The following NPR2 variants were observed in gnomAD, a reference collection of about 807,000 sequenced individuals.
NPR2 encodes the protein atrial natriuretic peptide receptor 2.
In NPR2, 49 loss-of-function variants were observed where a neutral mutation model predicts 120.7. The ratio of observed to expected loss-of-function variants is 0.41; its 90% CI spans 0.32 to 0.52. NPR2 has a LOEUF of 0.52. Among genes scored for constraint, NPR2 ranks in the 20% least tolerant of loss-of-function variants. NPR2 has a pLI of 0.36. For missense variants in NPR2, 931 were observed against 1,362.9 expected (o/e 0.68, Z 4.99); for synonymous variants, 484 against 519.8 (o/e 0.93, Z 0.94).
chr9:35,800,639 A>C lies in NPR2; in HGVS notation c.1219-70A>C, dbSNP rs184410474. On this transcript the variant is annotated intron_variant, in intron 5 of 21. Transcript: ENST00000342694. This position sits in a 1 kb window ranked among gnomAD's most constrained non-coding sequence, Gnocchi z 4.7. Reference sequence around the variant, plus strand: ...TGGTAGGCTGGGGAGAAAAGCAGCGAAACAGCTGGGGTCTGGGGAGGAGGC... The same window carrying C: ...TGGTAGGCTGGGGAGAAAAGCAGCGCAACAGCTGGGGTCTGGGGAGGAGGC... 2.5e-6 allele frequency: 4 copies of C among 1,612,852 alleles called. No homozygotes were observed. In the East Asian group the frequency reaches 8.9e-5, roughly 36 times the overall value.
chr9:35,794,442 GAGGCATCGTTCTGGTAC>G (rs1230845075), intron 2 of NPR2, among the ~76,000 whole-genome samples: 14 of 152,332 alleles, frequency 9.2e-5, no homozygotes. Flanking sequence ...ATGGAGAGGT[GAGGCATCGTTCTGGTAC>G]AGTCAGACAA....
rs1828098696 is a variant in NPR2 at position 35,800,229 on chromosome 9, G to A, written c.1123+72G>A. 2.0e-6 allele frequency: 3 copies of A among 1,492,214 alleles called. No homozygotes were observed. The highest frequency in any genetic ancestry group is 3.3e-5 in the Admixed American group (2 of 59,886). 92.4% of individuals were successfully genotyped at this position (1,492,214 alleles called of 1,614,324 possible). A position where few individuals can be genotyped will look rare whatever the true frequency, so the allele number is the denominator to read the frequency against. On this transcript the variant is annotated intron_variant, in intron 4 of 21. Coordinates refer to ENST00000342694, the MANE Select transcript of NPR2 (RefSeq NM_003995.4). The surrounding 1 kb of genome is among the most constrained non-coding windows in gnomAD (Gnocchi z 4.7). ...AGAGTGGGCTGAAGAAGAAACAGAT[G>A]TCAGGATCACCACAGCTTTAGTGGG... is the stretch of plus-strand genomic sequence containing the variant.
chr9:35,796,521 C>A (rs904352172), intron 2 of NPR2, among the ~76,000 whole-genome samples: 1 of 152,208 alleles, frequency 6.6e-6, no homozygotes, highest in Non-Finnish European at 1.5e-5. Context: ...GCCTCACTTT[C>A]TTCTGTGAGC....
At position 35,799,609 on chromosome 9, in the gene NPR2, C is replaced by G. The variant is rs1028609015; in HGVS notation, c.874-9C>G. On this transcript the variant is annotated splice_polypyrimidine_tract_variant and intron_variant, in intron 2 of 21. Coordinates refer to ENST00000342694, the MANE Select transcript of NPR2 (RefSeq NM_003995.4). ...CCTGTTCACTCTTCCCCATATGCTG[C>G]TGGTACAGACTGTATTGGTGATCAC... 4.4e-6 allele frequency: 7 copies of G among 1,587,892 alleles called. No homozygotes were observed. Among genetic ancestry groups the G allele is most frequent in the Non-Finnish European group, 5.2e-6 (6 of 1,156,234 alleles).
In NPR2 at chr9:35,809,607, CCCTGTACATATA is replaced by C; in HGVS notation, c.*168_*179del. 8.1e-7 allele frequency: 1 copy of C among 1,228,406 alleles called. No individual in the cohort carries two copies. Among genetic ancestry groups the C allele is most frequent in the Non-Finnish European group, 1.2e-6 (1 of 835,348 alleles). The allele number at this position is 1,228,406 out of a possible 1,614,324, so 76.1% of individuals were successfully genotyped here. ...GAAGTTGTAGCCCTCTGCAGCTCAG[CCCTGTACATATA>C]CCTGTCCCTCTCTGGCTTGGTCCCC... On this transcript the variant is annotated 3_prime_UTR_variant, in exon 22 of 22. Coordinates refer to ENST00000342694, the MANE Select transcript of NPR2 (RefSeq NM_003995.4). This position sits in a 1 kb window ranked among gnomAD's most constrained non-coding sequence, Gnocchi z 4.1.
rs2132067161 is a variant in NPR2 at position 35,793,023 on chromosome 9, A to G, written c.615A>G (p.Arg205=). Reference sequence around the variant, plus strand: ...GTGTGCAGCACCAGGTGTATGCCCGAGAGCCAGGGGGCCCCGAGCAGGCCA... The same window carrying G: ...GTGTGCAGCACCAGGTGTATGCCCGGGAGCCAGGGGGCCCCGAGCAGGCCA... ...NLSVQHQVYA[R]EPGGPEQATH... is the part of the protein sequence containing the mutation. Residue 205 remains arginine (R), a synonymous_variant, in exon 1 of 22, where the codon CGA becomes CGG. Coordinates refer to ENST00000342694, the MANE Select transcript of NPR2 (RefSeq NM_003995.4). The G allele has an allele frequency of 6.2e-7, 1 of 1,609,198 alleles. No individual in the cohort carries two copies. The highest frequency in any genetic ancestry group is 2.2e-5 in the East Asian group (1 of 44,784).
chr9:35,801,538 C>A, intron 7 of NPR2, 105 bp from the exon 8 acceptor site: 2 of 1,188,380 alleles, frequency 1.7e-6, no homozygotes, highest in Non-Finnish European at 2.5e-6. Context: ...TCAGGTGTAA[C>A]AGTTGCAGCT....
chr9:35,808,715 C>A lies in NPR2; in HGVS notation c.2887+32C>A. 1 of 1,612,642 alleles carries A rather than the reference C, an allele frequency of 6.2e-7. No individual in the cohort carries two copies. On this transcript the variant is annotated intron_variant, in intron 19 of 21. Transcript: ENST00000342694. This position sits in a 1 kb window ranked among gnomAD's most constrained non-coding sequence, Gnocchi z 4.0. ...CTGACTCTCACTCCAGCCCTAGTCT[C>A]CACCTTTCCCAGACTCTCCCAACCT...
At position 35,806,692 on chromosome 9, in the gene NPR2, C is replaced by T. The variant is rs1251438911; in HGVS notation, c.2519+154C>T. The stretch of plus-strand genomic sequence containing the variant: ...TATAGATTATTTGCTGTCATTCTGT[C>T]TCCACATCAGCTATGCTGCCTTCTT... On this transcript the variant is annotated intron_variant, in intron 16 of 21. Coordinates refer to ENST00000342694, the MANE Select transcript of NPR2 (RefSeq NM_003995.4). The surrounding 1 kb of genome is among the most constrained non-coding windows in gnomAD (Gnocchi z 4.6). Among the ~76,000 whole-genome samples the T allele has an allele frequency of 1.4e-4, 22 of 152,196 alleles. No homozygotes were observed.
chr9:35,803,287 G>T lies in NPR2; in HGVS notation c.1887+484G>T, dbSNP rs1022883203. On this transcript the variant is annotated intron_variant, in intron 12 of 21. Transcript: ENST00000342694. ...CCCGGCTAATTTTTTTGTATTTTTA[G>T]TAGAGACGGGGTTTCACCGTTTTAG... Among the ~76,000 whole-genome samples the T allele has an allele frequency of 3.4e-5, 4 of 116,900 alleles. 1 individual carries two copies. Among genetic ancestry groups the T allele is most frequent in the African/African-American group, 1.6e-4 (4 of 24,364 alleles). The allele number at this position is 116,900 out of a possible 152,430, so 76.7% of individuals were successfully genotyped here. A position where few individuals can be genotyped will look rare whatever the true frequency, so the allele number is the denominator to read the frequency against.
intron 2 of NPR2, among the ~76,000 whole-genome samples, 172 bp from the exon 3 acceptor site, chr9:35,799,446 G>A (rs111324007): frequency 1.5e-3 from 212 of 144,054 alleles, no homozygotes; most frequent in East Asian, 2.7e-3. Context: ...ACACACACAC[G>A]CACACACACA....
chr9:35,805,658 G>A lies in NPR2; in HGVS notation c.2035G>A (p.Ala679Thr). 6.2e-7 allele frequency: 1 copy of A among 1,614,046 alleles called. No homozygotes were observed. The highest frequency in any genetic ancestry group is 8.5e-7 in the Non-Finnish European group (1 of 1,180,036). The change falls in exon 13 of 22, where the codon GCC becomes ACC. Residue 679 changes from alanine to threonine, a missense_variant. By Grantham distance (58) the Ala-to-Thr change is moderately conservative. Coordinates refer to ENST00000342694, the MANE Select transcript of NPR2 (RefSeq NM_003995.4). The surrounding 1 kb of genome is among the most constrained non-coding windows in gnomAD (Gnocchi z 4.9). ...RSTAEPDDSH[A>T]LYAKKLWTAP... ...AACTGCTGAACCTGATGACAGCCAT[G>A]CCCTCTATGCCAGTGAGGCCCACCC...
chr9:35,805,895 G>T lies in NPR2; in HGVS notation c.2113G>T (p.Ala705Ser). 6.2e-7 allele frequency: 1 copy of T among 1,614,158 alleles called. No individual in the cohort carries two copies. Among genetic ancestry groups the T allele is most frequent in the Non-Finnish European group, 8.5e-7 (1 of 1,179,996 alleles). ...CTTGCCAACCACAGGCATGCAGAAG[G>T]CTGACGTCTATAGCTTTGGGATCAT... ...NPLPTTGMQK[A>S]DVYSFGIILQ... Residue 705 changes from alanine to serine, a missense_variant, in exon 14 of 22, where the codon GCT becomes TCT. Around this residue, in one of 3 missense-constraint regions of NPR2, gnomAD observed 681 missense variants for 974.3 expected, o/e 0.70. Transcript: ENST00000342694. The surrounding 1 kb of genome is among the most constrained non-coding windows in gnomAD (Gnocchi z 4.9).
At chr9:35,793,811 G>A in intron 1 of NPR2, 87 bp from the exon 2 acceptor site, 1 of 1,330,560 alleles carries the variant, frequency 7.5e-7, no homozygotes, top group African/African-American at 1.4e-5. Flanking sequence ...TTGCTGAAGA[G>A]GGACATCCCA....
chr9:35,805,752 G>A lies in NPR2; in HGVS notation c.2048-78G>A. 6.2e-7 allele frequency: 1 copy of A among 1,607,580 alleles called. No homozygotes were observed. The highest frequency in any genetic ancestry group is 8.5e-7 in the Non-Finnish European group (1 of 1,174,872). ...GGTGGGAGAGGGAGGTGGAGTGACAGTAATATAGGGATGAGCCCAGGTGGG... is the reference window on the plus strand; with the variant it reads ...GGTGGGAGAGGGAGGTGGAGTGACAATAATATAGGGATGAGCCCAGGTGGG... On this transcript the variant is annotated intron_variant, in intron 13 of 21. Coordinates refer to ENST00000342694, the MANE Select transcript of NPR2 (RefSeq NM_003995.4). The surrounding 1 kb of genome is among the most constrained non-coding windows in gnomAD (Gnocchi z 4.9).
chr9:35,802,487 TG>T lies in NPR2; in HGVS notation c.1711-15del, dbSNP rs1184257561. On this transcript the variant is annotated splice_polypyrimidine_tract_variant and intron_variant, in intron 10 of 21. Transcript: ENST00000342694. This position sits in a 1 kb window ranked among gnomAD's most constrained non-coding sequence, Gnocchi z 4.2. ...CTTTCAATTTTCTTATCCTTCCCAT[TG>T]TTTTTTTCTGCCAGATGAGAGATGT... The T allele has an allele frequency of 4.0e-6, 6 of 1,484,272 alleles. No homozygotes were observed. Among genetic ancestry groups the T allele is most frequent in the Non-Finnish European group, 5.7e-6 (6 of 1,061,610 alleles). 91.9% of individuals were successfully genotyped at this position (1,484,272 alleles called of 1,614,324 possible). A position where few individuals can be genotyped will look rare whatever the true frequency, so the allele number is the denominator to read the frequency against.
chr9:35,792,232 T>A lies in NPR2; in HGVS notation c.-177T>A, dbSNP rs2132065573. 55 of 318,978 alleles carry A rather than the reference T, an allele frequency of 1.7e-4. No individual in the cohort carries two copies. Among genetic ancestry groups the A allele is most frequent in the East Asian group, 3.6e-4 (5 of 14,030 alleles). The allele number at this position is 318,978 out of a possible 1,614,324, so 19.8% of individuals were successfully genotyped here. A position where few individuals can be genotyped will look rare whatever the true frequency, so the allele number is the denominator to read the frequency against. On this transcript the variant is annotated 5_prime_UTR_variant, in exon 1 of 22. Coordinates refer to ENST00000342694, the MANE Select transcript of NPR2 (RefSeq NM_003995.4). ...ACTCCTTGCCCGCCCCCCGCCTTCC[T>A]CCCATCTCCCCCTCCTCTCCCCGGC...
intron 12 of NPR2, among the ~76,000 whole-genome samples, chr9:35,803,769 C>T (rs1828261286): frequency 6.6e-6 from 1 of 152,218 alleles, no homozygotes; most frequent in South Asian, 2.1e-4. Context: ...CTGAAACTAG[C>T]TTTGGTTTTC....
chr9:35,806,235 T>C lies in NPR2; in HGVS notation c.2372+2T>C. 1 of 1,614,056 alleles carries C rather than the reference T, an allele frequency of 6.2e-7. No individual in the cohort carries two copies. The highest frequency in any genetic ancestry group is 2.2e-5 in the East Asian group (1 of 44,868). On this transcript the variant is annotated splice_donor_variant, in intron 15 of 21. Transcript: ENST00000342694. LOFTEE classifies it high-confidence loss of function. This position sits in a 1 kb window ranked among gnomAD's most constrained non-coding sequence, Gnocchi z 4.6. ...GGGCTTCATTCGGCGCTTTAACAAG[T>C]GAGAGGGCATTATGGGGCAGGGGCT...
Sources: allele counts gnomAD v4.1 joint callset (sites outside exome capture counted in the v4.1 genomes callset), GRCh38; gene constraint gnomAD v4.1.1; regional missense constraint gnomAD v4.1.1; non-coding constraint Gnocchi (gnomAD v3.1); transcripts MANE v1.5; gene names NCBI Gene and HGNC (gene_info 2026-07-23, HGNC 2026-07-21).